Variants in SRSF7 observed in about 807,000 individuals in gnomAD.
The protein encoded by SRSF7 is serine/arginine-rich splicing factor 7.
Under a neutral mutation model 42.2 loss-of-function variants are expected in SRSF7, and 15 were observed. The ratio of observed to expected loss-of-function variants is 0.36; its 90% CI spans 0.24 to 0.55. The LOEUF is 0.55. SRSF7 is among the 20% of genes least tolerant of loss of function. SRSF7 has a pLI of 0.88. For missense variants in SRSF7, 181 were observed against 305.9 expected, an observed-to-expected ratio of 0.59 and a Z score of 3.04; for synonymous variants, 138 against 107.9, an observed-to-expected ratio of 1.28 and a Z score of -1.73.
chr2:38,751,036 G>C (rs1234722275), intron 1 of SRSF7, 193 bp downstream of exon 1: 2 of 661,096 alleles, frequency 3.0e-6, no homozygotes, highest in Non-Finnish European at 2.7e-6. Flanking sequence ...TACGGAACTC[G>C]GCAGAGATGT....
At chr2:38,746,885 A>C (rs535247756) in intron 5 of SRSF7, 138 bp from the exon 6 acceptor site, 1 of 1,413,824 alleles carries the variant, frequency 7.1e-7, no homozygotes, top group African/African-American at 1.4e-5. Context: ...TATTCTGTCT[A>C]ACACACTGTC....
intron 7 of SRSF7, among the ~76,000 whole-genome samples, chr2:38,745,789 T>C (rs1350013122): frequency 6.6e-6 from 1 of 152,228 alleles, no homozygotes; most frequent in East Asian, 1.9e-4. Flanking sequence ...TGAAGTTTTC[T>C]GGTCATAAAG....
In SRSF7 at chr2:38,743,901, T is replaced by G; in HGVS notation, c.*1232A>C. ...TAGGTATCTGCGCAACCAGCAGGTT[T>G]TTTTTTTTTTGTACCAAGGCTAGAG... On this transcript the variant is annotated 3_prime_UTR_variant, in exon 8 of 8. Transcript: ENST00000313117. 3 of 151,486 alleles carry G rather than the reference T, an allele frequency of 2.0e-5. No homozygotes were observed. Among genetic ancestry groups the G allele is most frequent in the South Asian group, 2.1e-4 (1 of 4,790 alleles). 9.4% of individuals were successfully genotyped at this position (151,486 alleles called of 1,614,324 possible).
At chr2:38,746,862 G>GCAA in intron 5 of SRSF7, 115 bp from the exon 6 acceptor site, 1 of 1,510,422 alleles carries the variant, frequency 6.6e-7, no homozygotes, top group Non-Finnish European at 8.9e-7. Context: ...TAAACAAGAT[G>GCAA]CAACACTTGC....
intron 2 of SRSF7, 44 bp downstream of exon 2, chr2:38,749,957 TCATTATCTAGCCA>T: frequency 6.5e-7 from 1 of 1,529,582 alleles, no homozygotes; most frequent in Admixed American, 2.1e-5. Flanking sequence ...AGCACTAAGT[TCATTATCTAGCCA>T]CAGTATATTT....
chr2:38,746,618 A>G, intron 6 of SRSF7, 76 bp downstream of exon 6: 1 of 1,586,946 alleles, frequency 6.3e-7, no homozygotes, highest in Non-Finnish European at 8.6e-7. Context: ...TAAAATTTCA[A>G]CAATTAAAAA....
Position 38,744,049 on chromosome 2 carries a change from G to C in SRSF7, c.*1084C>G. On this transcript the variant is annotated 3_prime_UTR_variant, in exon 8 of 8. Transcript: ENST00000313117. ...CTATGTAACATTCTAAGGTCTACCA[G>C]ATGCTACCAAAAAATATTAGCTACA... The C allele has an allele frequency of 6.6e-6, 1 of 152,216 alleles. No individual in the cohort carries two copies. Among genetic ancestry groups the C allele is most frequent in the Admixed American group, 6.6e-5 (1 of 15,260 alleles). The allele number at this position is 152,216 out of a possible 1,614,324, so 9.4% of individuals were successfully genotyped here.
At chr2:38,746,834 G>C in intron 5 of SRSF7, 87 bp from the exon 6 acceptor site, 1 of 1,570,152 alleles carries the variant, frequency 6.4e-7, no homozygotes, top group South Asian at 1.2e-5. Flanking sequence ...GGTTGGTCAG[G>C]CATAAAGAAG....
chr2:38,749,998 A>C lies in SRSF7; in HGVS notation c.209+16T>G. The stretch of plus-strand genomic sequence containing the variant: ...GTATATTTTAATGAACAGAAGATTC[A>C]TAACATCTTACTTACTTTCCATCCA... On this transcript the variant is annotated intron_variant, in intron 2 of 7. Coordinates refer to ENST00000313117, the MANE Select transcript of SRSF7 (RefSeq NM_001031684.3). 1 of 1,596,002 alleles carries C rather than the reference A, an allele frequency of 6.3e-7. No individual in the cohort carries two copies. The highest frequency in any genetic ancestry group is 2.2e-5 in the East Asian group (1 of 44,692).
Position 38,744,554 on chromosome 2 carries a change from T to G in SRSF7, c.*579A>C. 5.9e-5 allele frequency: 9 copies of G among 152,578 alleles called. No homozygotes were observed. The highest frequency in any genetic ancestry group is 2.2e-4 in the African/African-American group (9 of 41,586). The allele number at this position is 152,578 out of a possible 1,614,324, so 9.5% of individuals were successfully genotyped here. ...TCGTTTAGTTCCTGTCATGCTCATTTAGACACATCAGTGGTCCTACTTGCT... is the reference window on the plus strand; with the variant it reads ...TCGTTTAGTTCCTGTCATGCTCATTGAGACACATCAGTGGTCCTACTTGCT... On this transcript the variant is annotated 3_prime_UTR_variant, in exon 8 of 8. Coordinates refer to ENST00000313117, the MANE Select transcript of SRSF7 (RefSeq NM_001031684.3).
chr2:38,750,936 G>T, intron 1 of SRSF7: 1 of 374,870 alleles, frequency 2.7e-6, no homozygotes, highest in South Asian at 3.1e-5. Context: ...GGGGGGAGGG[G>T]GGCCGGCGGG....
In SRSF7 at chr2:38,751,301, G is replaced by A; in HGVS notation, c.-45C>T. 3.1e-6 allele frequency: 5 copies of A among 1,613,646 alleles called. No homozygotes were observed. The highest frequency in any genetic ancestry group is 1.7e-5 in the Admixed American group (1 of 60,014). On this transcript the variant is annotated 5_prime_UTR_variant, in exon 1 of 8. Coordinates refer to ENST00000313117, the MANE Select transcript of SRSF7 (RefSeq NM_001031684.3). ...CGGCTCTTTAGCAAGCAGCGCCCAG[G>A]GCTCGAGTGACGCAAAAGCTGACAC...
chr2:38,749,974 T>C (rs772511597), intron 2 of SRSF7, 40 bp downstream of exon 2: 12 of 1,565,404 alleles, frequency 7.7e-6, no homozygotes, highest in Admixed American at 1.9e-5. Context: ...CTAGCCACAG[T>C]ATATTTTAAT....
intron 7 of SRSF7, 53 bp downstream of exon 7, chr2:38,746,091 C>T: frequency 6.2e-7 from 1 of 1,601,956 alleles, no homozygotes; most frequent in Middle Eastern, 1.7e-4. Flanking sequence ...CAAACAAATT[C>T]TGCAGAGGCC....
chr2:38,747,695 G>C (rs995566292), intron 5 of SRSF7, among the ~76,000 whole-genome samples: 1 of 151,990 alleles, frequency 6.6e-6, no homozygotes, highest in Non-Finnish European at 1.5e-5. Flanking sequence ...TCTTTTCCTG[G>C]TGCTAATAGG....
chr2:38,750,398 C>T (rs191958031), intron 1 of SRSF7, among the ~76,000 whole-genome samples: 1 of 151,966 alleles, frequency 6.6e-6, no homozygotes, highest in Non-Finnish European at 1.5e-5. Flanking sequence ...TCTTAACGTT[C>T]TAAATAATGC....
Position 38,748,039 on chromosome 2 carries a change from T to A in SRSF7, c.572+8A>T. The A allele has an allele frequency of 6.2e-7, 1 of 1,603,570 alleles. No homozygotes were observed. Among genetic ancestry groups the A allele is most frequent in the Non-Finnish European group, 8.5e-7 (1 of 1,171,054 alleles). On this transcript the variant is annotated splice_region_variant and intron_variant, in intron 5 of 7. Coordinates refer to ENST00000313117, the MANE Select transcript of SRSF7 (RefSeq NM_001031684.3). ...CAAACACAAGTAAGGAAAAAAAGTG[T>A]TACATACTGGAAATACCTCGATCCT...
chr2:38,749,381 G>GT (rs758650775), intron 3 of SRSF7, 148 bp downstream of exon 3: 1 of 1,541,716 alleles, frequency 6.5e-7, no homozygotes, highest in Non-Finnish European at 8.7e-7. Context: ...TATTAATATA[G>GT]TAACATTTTT....
chr2:38,744,231 T>TTC lies in SRSF7; in HGVS notation c.*901_*902insGA. 6 of 152,728 alleles carry TTC rather than the reference T, an allele frequency of 3.9e-5. No individual in the cohort carries two copies. The highest frequency in any genetic ancestry group is 3.3e-4 in the Admixed American group (5 of 15,286). The allele number at this position is 152,728 out of a possible 1,614,324, so 9.5% of individuals were successfully genotyped here. On this transcript the variant is annotated 3_prime_UTR_variant, in exon 8 of 8. Transcript: ENST00000313117. ...CTAGCTTGAAGATTAACAACAGGTC[T>TTC]TTGCTCAGAATAAGACAATCCATTT...
Sources: allele counts gnomAD v4.1 joint callset (sites outside exome capture counted in the v4.1 genomes callset), GRCh38; gene constraint gnomAD v4.1.1; transcripts MANE v1.5; gene names NCBI Gene and HGNC (gene_info 2026-07-23, HGNC 2026-07-21).